SBF2: variants seen among roughly 807,000 people sequenced by gnomAD.
The protein encoded by SBF2 is SET binding factor 2, also known as myotubularin-related protein 13.
In SBF2, 112 loss-of-function variants were observed where a neutral mutation model predicts 225.2. That is an observed-to-expected ratio of 0.50 (90% CI 0.43 to 0.58). SBF2 has a LOEUF of 0.58. Among genes scored for constraint, SBF2 ranks in the 20% least tolerant of loss-of-function variants. The pLI is 0.00. For synonymous variants in SBF2, 763 were observed against 773.3 expected (o/e 0.99, Z 0.22); for missense variants, 1,996 against 2,206.2 (o/e 0.90, Z 1.91).
At chr11:10,005,415 CAT>C (rs971413837) in intron 6 of SBF2, among the ~76,000 whole-genome samples, 4 of 152,292 alleles carry the variant, frequency 2.6e-5, no homozygotes, top group Non-Finnish European at 5.9e-5. Context: ...ACCCCGGACA[CAT>C]GACAACATAT....
At chr11:9,807,850 G>T in intron 32 of SBF2, 150 bp downstream of exon 32, 1 of 759,844 alleles carries the variant, frequency 1.3e-6, no homozygotes, top group Non-Finnish European at 2.2e-6. Flanking sequence ...ATTCCTAGGA[G>T]TCTACTGCTA....
chr11:10,032,174 A>G (rs1354210723), intron 3 of SBF2, among the ~76,000 whole-genome samples: 2 of 152,374 alleles, frequency 1.3e-5, no homozygotes, highest in African/African-American at 4.8e-5. Flanking sequence ...AAAACAATAC[A>G]TAAGTTTCAA....
intron 10 of SBF2, among the ~76,000 whole-genome samples, chr11:9,993,387 T>G (rs1947527986): frequency 1.5e-5 from 2 of 136,188 alleles, no homozygotes. Flanking sequence ...CTTAAGTATA[T>G]GTGTTCAGCT....
chr11:9,972,005 G>T (rs1404963181), intron 13 of SBF2, among the ~76,000 whole-genome samples: 1 of 152,140 alleles, frequency 6.6e-6, no homozygotes, highest in African/African-American at 2.4e-5. Context: ...TGACAATTCA[G>T]GGGGAAAGGT....
At chr11:9,814,149 A>G (rs912366062) in intron 29 of SBF2, among the ~76,000 whole-genome samples, 5 of 152,208 alleles carry the variant, frequency 3.3e-5, no homozygotes, top group Non-Finnish European at 5.9e-5. Flanking sequence ...CTACTGGTAT[A>G]TTTCATTTTA....
chr11:9,780,775 G>A (rs1255582436), intron 39 of SBF2: 8 of 470,334 alleles, frequency 1.7e-5, no homozygotes, highest in East Asian at 8.7e-5. Context: ...TCTTAGTGTC[G>A]TCTTTGACTA....
intron 16 of SBF2, among the ~76,000 whole-genome samples, chr11:9,935,574 A>AACCAAAACAGCATGGTACTGGT (rs1284842981): frequency 6.6e-5 from 10 of 152,354 alleles, no homozygotes; most frequent in African/African-American, 2.4e-4. Context: ...AGGCTACAGT[A>AACCAAAACAGCATGGTACTGGT]ACCAAAACAG....
intron 2 of SBF2, among the ~76,000 whole-genome samples, chr11:10,106,543 C>T (rs531774188): frequency 2.0e-5 from 3 of 151,218 alleles, no homozygotes; most frequent in East Asian, 4.0e-4. Context: ...GCATGAGAAT[C>T]GCTTGAACCC....
chr11:9,847,516 T>TCC (rs1554923420), intron 22 of SBF2, among the ~76,000 whole-genome samples: 13 of 60,118 alleles, frequency 2.2e-4, no homozygotes, highest in Non-Finnish European at 3.9e-4. Context: ...AGGGAGGTTT[T>TCC]ACAAAAAAAA....
At chr11:9,856,820 C>G in intron 18 of SBF2, 100 bp from the exon 19 acceptor site, 1 of 1,272,814 alleles carries the variant, frequency 7.9e-7, no homozygotes, top group Non-Finnish European at 1.1e-6. Context: ...CGGAGTCTCG[C>G]TCTGTCACCC....
intron 28 of SBF2, among the ~76,000 whole-genome samples, chr11:9,822,481 CG>C (rs1854820724): frequency 6.6e-6 from 1 of 152,030 alleles, no homozygotes; most frequent in Non-Finnish European, 1.5e-5. Flanking sequence ...AGGATGGTCT[CG>C]ATCTCCTGAC....
rs1316018454 is a variant in SBF2 at position 9,839,548 on chromosome 11, G to C, written c.3405C>G (p.Pro1135=). Residue 1135 remains proline (P), a synonymous_variant, in exon 26 of 40, where the codon CCC becomes CCG. Coordinates refer to ENST00000256190, the MANE Select transcript of SBF2 (RefSeq NM_030962.4). ...TGGAGGCAGTAATTCTAAAATACTC[G>C]GGTCTTGAACGGGAAGAGCTGCCAC... ...TISGSSSRSR[P]EYFRITASNR... 1.9e-6 allele frequency: 3 copies of C among 1,614,124 alleles called. No homozygotes were observed. The highest frequency in any genetic ancestry group is 2.5e-6 in the Non-Finnish European group (3 of 1,180,022).
intron 28 of SBF2, among the ~76,000 whole-genome samples, chr11:9,822,495 C>T (rs1487222441): frequency 2.0e-5 from 3 of 152,098 alleles, no homozygotes; most frequent in Admixed American, 6.5e-5. Flanking sequence ...CTCCTGACCA[C>T]GTGATCCGCC....
At chr11:10,051,411 T>G (rs1481362420) in intron 2 of SBF2, among the ~76,000 whole-genome samples, 1 of 152,102 alleles carries the variant, frequency 6.6e-6, no homozygotes, top group Non-Finnish European at 1.5e-5. Flanking sequence ...AAAAAAGTAT[T>G]ACCCTTAAAA....
chr11:9,853,081 T>C (rs904887985), intron 20 of SBF2, among the ~76,000 whole-genome samples: 15 of 152,148 alleles, frequency 9.9e-5, no homozygotes, highest in African/African-American at 2.7e-4. Flanking sequence ...TAAAAAGGAA[T>C]GAAATTCTGA....
intron 2 of SBF2, among the ~76,000 whole-genome samples, chr11:10,096,933 T>C (rs1000537490): frequency 2.0e-5 from 3 of 152,124 alleles, no homozygotes; most frequent in Non-Finnish European, 4.4e-5. Flanking sequence ...AAAGGATGAA[T>C]AAAGAAATAA....
chr11:9,977,911 G>A (rs1946773715), intron 13 of SBF2, among the ~76,000 whole-genome samples: 1 of 152,112 alleles, frequency 6.6e-6, no homozygotes, highest in Admixed American at 6.5e-5. Context: ...AAATTAAGGT[G>A]TATTTTTGAG....
intron 2 of SBF2, among the ~76,000 whole-genome samples, chr11:10,127,804 T>A (rs1953830504): frequency 1.3e-5 from 2 of 152,080 alleles, no homozygotes; most frequent in Admixed American, 1.3e-4. Context: ...AATACACAAG[T>A]GGTTAAGAGC....
rs1164155465 is a variant in SBF2, at chr11:9,952,243, AATAC to A, written c.1860+9710_1860+9713del. 1.1e-4 allele frequency among the ~76,000 whole-genome samples: 9 copies of A among 83,364 alleles called. No individual in the cohort carries two copies. In the East Asian group the frequency reaches 5.5e-3, roughly 51 times the overall value. The allele number at this position is 83,364 out of a possible 152,430, so 54.7% of individuals were successfully genotyped here. A position where few individuals can be genotyped will look rare whatever the true frequency, so the allele number is the denominator to read the frequency against. On this transcript the variant is annotated intron_variant, in intron 16 of 39. Transcript: ENST00000256190. ...TGACAGCCTCTCTCTCATAAAAATA[AATAC>A]ACAAACAAACAAACAAACAAACAAA... is the stretch of plus-strand genomic sequence containing the variant.
Sources: allele counts gnomAD v4.1 joint callset (sites outside exome capture counted in the v4.1 genomes callset), GRCh38; gene constraint gnomAD v4.1.1; transcripts MANE v1.5; gene names NCBI Gene and HGNC (gene_info 2026-07-23, HGNC 2026-07-21).